The following PAK3 variants were observed in gnomAD, a reference collection of about 807,000 sequenced individuals.
The protein encoded by PAK3 is serine/threonine-protein kinase PAK 3.
PAK3 carries 4 observed loss-of-function variants against 41.0 expected under a neutral mutation model. That is an observed-to-expected ratio of 0.10 (90% CI 0.05 to 0.22). The LOEUF (loss-of-function observed/expected upper bound fraction) is 0.22. PAK3 is among the 10% of genes least tolerant of loss of function. The pLI is 1.00. For synonymous variants in PAK3, 146 were observed against 139.6 expected (o/e 1.05, Z -0.32); for missense variants, 205 against 409.9 (o/e 0.50, Z 4.32).
At chrX:111,121,326 G>A (rs1456356991) in intron 4 of PAK3, among the ~76,000 whole-genome samples, 4 of 111,374 alleles carry the variant, frequency 3.6e-5, no homozygotes, top group African/African-American at 6.5e-5. Flanking sequence ...GCGATCTCCC[G>A]TTCAAATCAA....
chrX:111,207,103 TATATATAC>T (rs1159445409), intron 16 of PAK3, among the ~76,000 whole-genome samples: 3 of 105,955 alleles, frequency 2.8e-5, no homozygotes, highest in Non-Finnish European at 3.8e-5. Context: ...TGTGTGTATA[TATATATAC>T]ATATATACAT....
intron 1 of PAK3, among the ~76,000 whole-genome samples, chrX:111,039,994 C>CAAAAAAAAAAAA (rs141289134): frequency 4.1e-5 from 2 of 49,275 alleles, no homozygotes; most frequent in Non-Finnish European, 7.8e-5. Flanking sequence ...GTAGATGGAG[C>CAAAAAAAAAAAA]AAAAAAAAAA....
At chrX:111,129,308 A>C (rs779840161) in intron 5 of PAK3, among the ~76,000 whole-genome samples, 406 of 111,858 alleles carry the variant, frequency 3.6e-3, no homozygotes, top group Non-Finnish European at 6.4e-3. Flanking sequence ...CAATTAATTC[A>C]GGGTTCTGTT....
intron 1 of PAK3, among the ~76,000 whole-genome samples, chrX:111,060,090 T>C (rs2092642816): frequency 8.9e-6 from 1 of 111,805 alleles, no homozygotes; most frequent in African/African-American, 3.2e-5. Flanking sequence ...CTTCATCAGA[T>C]TGAGGAACTT....
intron 1 of PAK3, among the ~76,000 whole-genome samples, chrX:110,995,004 G>A (rs1205092636): frequency 9.0e-6 from 1 of 111,716 alleles, no homozygotes; most frequent in Non-Finnish European, 1.9e-5. Flanking sequence ...ATAAATTATG[G>A]CAATTACTGA....
chrX:110,971,322 T>C (rs2091203452), intron 1 of PAK3, among the ~76,000 whole-genome samples: 1 of 112,483 alleles, frequency 8.9e-6, no homozygotes, highest in Non-Finnish European at 1.9e-5. Flanking sequence ...ACATTTCATA[T>C]AAATGCAGTA....
chrX:111,111,034 A>T (rs1445129245), intron 4 of PAK3, among the ~76,000 whole-genome samples: 1 of 111,635 alleles, frequency 9.0e-6, no homozygotes, highest in Non-Finnish European at 1.9e-5. Flanking sequence ...TTCCACAGAG[A>T]TCTGGTCTAG....
At chrX:111,047,114 T>C (rs1490944362) in intron 1 of PAK3, among the ~76,000 whole-genome samples, 4 of 112,378 alleles carry the variant, frequency 3.6e-5, no homozygotes, top group Non-Finnish European at 7.5e-5. Context: ...TTCAGAAACA[T>C]GTTTCCTGCA....
At chrX:110,945,522 G>T (rs189704715) in intron 1 of PAK3, among the ~76,000 whole-genome samples, 4 of 111,695 alleles carry the variant, frequency 3.6e-5, no homozygotes, top group Non-Finnish European at 7.5e-5. Flanking sequence ...TCTTAGCAGG[G>T]TTTCCTCTCT....
At chrX:111,026,810 C>G (rs1186728360) in intron 1 of PAK3, among the ~76,000 whole-genome samples, 1 of 111,274 alleles carries the variant, frequency 9.0e-6, no homozygotes, top group African/African-American at 3.3e-5. Context: ...AAAAAATATC[C>G]TAAAATTAAT....
rs112731606 is a variant in PAK3 at position 111,010,766 on chromosome X, G to A, written c.-28+66138G>A. On this transcript the variant is annotated intron_variant, in intron 1 of 14. Coordinates refer to the PAK3 transcript ENST00000425146. Reference sequence around the variant, plus strand: ...ATGCTTGTACAGCCTGCGGAACTGTGAGACAATTAAACCTCTTTTCTTTAT... The same window carrying A: ...ATGCTTGTACAGCCTGCGGAACTGTAAGACAATTAAACCTCTTTTCTTTAT... Among the ~76,000 whole-genome samples the A allele has an allele frequency of 9.6e-3, 1,071 of 111,828 alleles. 7 individuals are homozygous for A. Among genetic ancestry groups the A allele is most frequent in the Middle Eastern group, 0.018 (4 of 217 alleles).
At chrX:111,016,237 T>A (rs1318970124) in intron 1 of PAK3, among the ~76,000 whole-genome samples, 1 of 112,037 alleles carries the variant, frequency 8.9e-6, no homozygotes, top group African/African-American at 3.2e-5. Context: ...GAGGATAGCA[T>A]CTATGATTGG....
At chrX:111,194,678 C>T (rs186666344) in intron 14 of PAK3, among the ~76,000 whole-genome samples, 1 of 111,966 alleles carries the variant, frequency 8.9e-6, no homozygotes, top group East Asian at 2.8e-4. Flanking sequence ...CGTATCTAAA[C>T]CCACATGCTG....
upstream of PAK3, among the ~76,000 whole-genome samples, chrX:111,092,724 A>G (rs1284414405): frequency 1.8e-5 from 2 of 112,208 alleles, no homozygotes; most frequent in Non-Finnish European, 3.8e-5. Context: ...CATATTTGAC[A>G]AAGTGGCTAA....
intron 11 of PAK3, among the ~76,000 whole-genome samples, chrX:111,177,833 T>C (rs1190826753): frequency 2.7e-5 from 3 of 112,098 alleles, no homozygotes; most frequent in Non-Finnish European, 5.6e-5. Flanking sequence ...TTCTCATTAA[T>C]GTATTTGAAT....
chrX:111,032,215 A>T (rs751665505), intron 1 of PAK3, among the ~76,000 whole-genome samples: 4 of 112,452 alleles, frequency 3.6e-5, no homozygotes, highest in African/African-American at 1.3e-4. Flanking sequence ...GAAAGTAAGG[A>T]ATAACACATT....
chrX:111,183,174 A>G (rs989516607), intron 11 of PAK3, among the ~76,000 whole-genome samples: 1 of 111,676 alleles, frequency 9.0e-6, no homozygotes, highest in Non-Finnish European at 1.9e-5. Flanking sequence ...TAGGCAACCT[A>G]CTTAACATTT....
At chrX:110,994,563 G>A (rs2091707906) in intron 1 of PAK3, among the ~76,000 whole-genome samples, 1 of 111,705 alleles carries the variant, frequency 9.0e-6, no homozygotes, top group South Asian at 3.8e-4. Context: ...CAGGACACTT[G>A]CTGGTCCCTG....
intron 4 of PAK3, among the ~76,000 whole-genome samples, chrX:111,107,525 C>G (rs1450806716): frequency 8.9e-6 from 1 of 111,853 alleles, no homozygotes; most frequent in Non-Finnish European, 1.9e-5. Flanking sequence ...GGATCAGGAG[C>G]CTGGTGCAAG....
Sources: gnomAD v4.1 joint callset for allele counts (sites outside exome capture counted in the v4.1 genomes callset) on GRCh38, gnomAD v4.1.1 for gene constraint, MANE v1.5 for transcripts, NCBI Gene and HGNC (gene_info 2026-07-23, HGNC 2026-07-21) for gene names.